The following FBXL17 variants were observed in gnomAD, a reference collection of about 807,000 sequenced individuals.
FBXL17 encodes the protein F-box/LRR-repeat protein 17.
A neutral mutation model predicts 66.2 loss-of-function variants in FBXL17; 22 were observed. The ratio of observed to expected loss-of-function variants is 0.33; its 90% CI spans 0.24 to 0.47. FBXL17 has a LOEUF of 0.47. Among genes scored for constraint, FBXL17 ranks in the 20% least tolerant of loss-of-function variants. The pLI, the probability that FBXL17 is intolerant of heterozygous loss-of-function variation, is 1.00. For synonymous variants in FBXL17, 474 were observed against 400.5 expected, an observed-to-expected ratio of 1.18 and a Z score of -2.19; for missense variants, 878 against 948.2, an observed-to-expected ratio of 0.93 and a Z score of 0.97.
chr5:107,967,331 C>G (rs140673581), intron 7 of FBXL17, among the ~76,000 whole-genome samples: 2 of 151,928 alleles, frequency 1.3e-5, no homozygotes, highest in African/African-American at 4.8e-5. Context: ...AGATCAGAAT[C>G]AAATCTCTAG....
At chr5:107,897,498 G>A (rs1044379126) in intron 7 of FBXL17, among the ~76,000 whole-genome samples, 5 of 152,094 alleles carry the variant, frequency 3.3e-5, no homozygotes, top group African/African-American at 9.7e-5. Context: ...CCCTGAAGTC[G>A]AGAAGCACCT....
At chr5:108,041,288 C>T (rs1292863788) in intron 6 of FBXL17, among the ~76,000 whole-genome samples, 1 of 152,176 alleles carries the variant, frequency 6.6e-6, no homozygotes, top group Non-Finnish European at 1.5e-5. Flanking sequence ...GTTTAATCAA[C>T]CTTCACAATT....
chr5:107,985,992 T>C (rs568977497), intron 7 of FBXL17, among the ~76,000 whole-genome samples: 7 of 152,074 alleles, frequency 4.6e-5, no homozygotes, highest in African/African-American at 1.2e-4. Context: ...AATTACATTA[T>C]AAAAACAGTT....
intron 5 of FBXL17, among the ~76,000 whole-genome samples, chr5:108,204,349 C>G (rs1486637052): frequency 6.6e-6 from 1 of 151,998 alleles, no homozygotes; most frequent in Non-Finnish European, 1.5e-5. Context: ...CACCACCAAA[C>G]CCAGCTAATT....
chr5:108,217,297 G>T (rs1426972937), intron 5 of FBXL17, among the ~76,000 whole-genome samples: 1 of 152,080 alleles, frequency 6.6e-6, no homozygotes, highest in East Asian at 1.9e-4. Context: ...TAGTCTTGGA[G>T]GTAGGACAAG....
intron 4 of FBXL17, among the ~76,000 whole-genome samples, chr5:108,232,496 AC>A (rs1755389438): frequency 6.6e-6 from 1 of 151,870 alleles, no homozygotes; most frequent in Admixed American, 6.6e-5. Context: ...AAGGAGATTA[AC>A]ATTTGAGTCA....
At chr5:108,158,231 TA>T (rs1752069711) in intron 6 of FBXL17, among the ~76,000 whole-genome samples, 1 of 151,884 alleles carries the variant, frequency 6.6e-6, no homozygotes, top group Non-Finnish European at 1.5e-5. Context: ...TTAGTATCCA[TA>T]AGTATATTAA....
At position 107,992,064 on chromosome 5, in the gene FBXL17, A is replaced by G. The variant is rs570830507; in HGVS notation, c.1822+28861T>C. Among the ~76,000 whole-genome samples, 60 of 149,320 alleles carry G rather than the reference A, an allele frequency of 4.0e-4. 1 individual carries two copies. The highest frequency in any genetic ancestry group is 1.4e-3 in the African/African-American group (58 of 40,086). ...TCTAAAATATTGAGATAAAAATTAT[A>G]CATGCACACACATATCATATTAATT... On this transcript the variant is annotated intron_variant, in intron 7 of 8. Coordinates refer to ENST00000542267, the MANE Select transcript of FBXL17 (RefSeq NM_001163315.3).
rs1314731397 is a variant in FBXL17, at chr5:108,036,665, C to T, written c.1746-15664G>A. On this transcript the variant is annotated intron_variant, in intron 6 of 8. Coordinates refer to ENST00000542267, the MANE Select transcript of FBXL17 (RefSeq NM_001163315.3). The stretch of plus-strand genomic sequence containing the variant: ...TATGAAGTATGTCATCATGCTGACC[C>T]GACTTCCTCCTGCTCTGGCCTGACT... Among the ~76,000 whole-genome samples, 4 of 152,180 alleles carry T rather than the reference C, an allele frequency of 2.6e-5. No individual in the cohort carries two copies. The East Asian group carries it at 5.8e-4, about 22-fold the overall frequency.
At chr5:108,228,424 T>A (rs1317579859) in intron 4 of FBXL17, among the ~76,000 whole-genome samples, 3 of 152,128 alleles carry the variant, frequency 2.0e-5, no homozygotes, top group Non-Finnish European at 4.4e-5. Flanking sequence ...TAGCTTCAAA[T>A]CCCAACTGGA....
chr5:108,026,221 CTTATAT>C (rs372623788), intron 6 of FBXL17, among the ~76,000 whole-genome samples: 7 of 152,084 alleles, frequency 4.6e-5, no homozygotes, highest in African/African-American at 1.7e-4. Flanking sequence ...ATTTATGAGT[CTTATAT>C]TTATAGTTAC....
chr5:107,899,636 A>T (rs894142918), intron 7 of FBXL17, among the ~76,000 whole-genome samples: 1 of 152,138 alleles, frequency 6.6e-6, no homozygotes, highest in East Asian at 1.9e-4. Flanking sequence ...TTTTGATTAC[A>T]TGGGAAGTTG....
At chr5:108,268,596 A>T (rs1757137851) in intron 4 of FBXL17, among the ~76,000 whole-genome samples, 1 of 151,912 alleles carries the variant, frequency 6.6e-6, no homozygotes, top group South Asian at 2.1e-4. Context: ...ATGTATTTTT[A>T]AGTATCAAAC....
At chr5:108,114,363 A>T (rs1750158256) in intron 6 of FBXL17, among the ~76,000 whole-genome samples, 1 of 150,464 alleles carries the variant, frequency 6.6e-6, no homozygotes, top group Admixed American at 6.7e-5. Flanking sequence ...ATTATTATAA[A>T]TTCAGTATGA....
Position 108,010,990 on chromosome 5 carries a change from A to G in FBXL17, c.1822+9935T>C, listed in dbSNP as rs368219841. 1.1e-4 allele frequency among the ~76,000 whole-genome samples: 16 copies of G among 152,362 alleles called. No individual in the cohort carries two copies. The East Asian group carries it at 3.1e-3, about 29-fold the overall frequency. ...GTCCAGCTAGGAGATGAAAAGGGAA[A>G]GACCTTCTGGAGAGGCTTAACTATG... On this transcript the variant is annotated intron_variant, in intron 7 of 8. Coordinates refer to ENST00000542267, the MANE Select transcript of FBXL17 (RefSeq NM_001163315.3).
intron 7 of FBXL17, among the ~76,000 whole-genome samples, chr5:107,926,861 C>T (rs1388408966): frequency 6.6e-6 from 1 of 152,060 alleles, no homozygotes; most frequent in Non-Finnish European, 1.5e-5. Context: ...TATGATTTTG[C>T]TAGCCCATTC....
intron 4 of FBXL17, among the ~76,000 whole-genome samples, chr5:108,270,774 T>C (rs1757235564): frequency 6.6e-6 from 1 of 152,270 alleles, no homozygotes; most frequent in East Asian, 1.9e-4. Flanking sequence ...GGGACAGTTA[T>C]GTTAACAGTT....
intron 3 of FBXL17, among the ~76,000 whole-genome samples, chr5:108,363,856 T>A (rs1748494086): frequency 6.6e-6 from 1 of 151,952 alleles, no homozygotes; most frequent in Non-Finnish European, 1.5e-5. Flanking sequence ...GTAAATAAAA[T>A]CATGCTATAT....
At chr5:108,353,559 A>G (rs1277038771) in intron 3 of FBXL17, among the ~76,000 whole-genome samples, 1 of 152,218 alleles carries the variant, frequency 6.6e-6, no homozygotes, top group East Asian at 1.9e-4. Flanking sequence ...GAAATATGCC[A>G]GAGCATTCTA....
Sources: allele counts gnomAD v4.1 joint callset (sites outside exome capture counted in the v4.1 genomes callset), GRCh38; gene constraint gnomAD v4.1.1; transcripts MANE v1.5; gene names NCBI Gene and HGNC (gene_info 2026-07-23, HGNC 2026-07-21).